Variants in NEBL observed in about 807,000 individuals in gnomAD.
NEBL encodes the protein nebulette, also known as LIM and SH3 protein 2.
A neutral mutation model predicts 140.2 loss-of-function variants in NEBL; 122 were observed. That is an observed-to-expected ratio of 0.87 (90% CI 0.75 to 1.01). The LOEUF (loss-of-function observed/expected upper bound fraction) is 1.01. Among genes scored for constraint, NEBL ranks in the 50% least tolerant of loss-of-function variants. The pLI is 0.00. For synonymous variants in NEBL, 436 were observed against 398.9 expected (o/e 1.09, Z -1.11); for missense variants, 1,365 against 1,231.3 (o/e 1.11, Z -1.62).
intron 2 of NEBL, among the ~76,000 whole-genome samples, chr10:21,139,421 G>A (rs779921220): frequency 7.2e-5 from 11 of 152,096 alleles, no homozygotes; most frequent in Admixed American, 1.3e-4. Context: ...GATACCCTAC[G>A]TCCACTCAAA....
chr10:20,900,985 T>A (rs913481015), upstream of NEBL, among the ~76,000 whole-genome samples: 5 of 151,860 alleles, frequency 3.3e-5, no homozygotes, highest in African/African-American at 1.2e-4. Flanking sequence ...GCCACTGCAC[T>A]CCAGCCTGGG....
chr10:21,123,954 C>T (rs1418661994), intron 2 of NEBL, among the ~76,000 whole-genome samples: 2 of 151,144 alleles, frequency 1.3e-5, no homozygotes, highest in Non-Finnish European at 2.9e-5. Flanking sequence ...TTCTCTGAGG[C>T]CAATCCTCAC....
chr10:20,936,711 A>G (rs1444353682), intron 4 of NEBL, among the ~76,000 whole-genome samples: 2 of 152,012 alleles, frequency 1.3e-5, no homozygotes, highest in South Asian at 2.1e-4. Flanking sequence ...CTGTGTTTCA[A>G]TTTTCTTTAG....
chr10:20,956,652 C>A (rs1226890722), intron 4 of NEBL, among the ~76,000 whole-genome samples: 3 of 152,094 alleles, frequency 2.0e-5, no homozygotes, highest in Non-Finnish European at 4.4e-5. Context: ...TACTCAAAAT[C>A]AGAAGCTTTT....
intron 3 of NEBL, among the ~76,000 whole-genome samples, chr10:21,236,961 G>A (rs1842361556): frequency 6.6e-6 from 1 of 152,166 alleles, no homozygotes; most frequent in African/African-American, 2.4e-5. Context: ...GCATCGGTTA[G>A]TAACTGACCC....
At chr10:21,184,354 C>A (rs1841431561) in intron 3 of NEBL, among the ~76,000 whole-genome samples, 1 of 152,186 alleles carries the variant, frequency 6.6e-6, no homozygotes, top group African/African-American at 2.4e-5. Flanking sequence ...GCTGAGATTT[C>A]ACTGAAAGAT....
At chr10:21,187,753 A>G (rs992968250) in intron 3 of NEBL, among the ~76,000 whole-genome samples, 1 of 152,160 alleles carries the variant, frequency 6.6e-6, no homozygotes, top group African/African-American at 2.4e-5. Flanking sequence ...AGCTCAAGCA[A>G]TCCTCGCACC....
chr10:20,940,156 C>T (rs1382852012), intron 4 of NEBL, among the ~76,000 whole-genome samples: 1 of 152,138 alleles, frequency 6.6e-6, no homozygotes, highest in South Asian at 2.1e-4. Context: ...CACACCACAC[C>T]TATTCCAAAA....
rs957738000 is a variant in NEBL at position 20,831,560 on chromosome 10, C to T, written c.1473G>A (p.Glu491=). ...GCATCCCTTTCCCTTTAATTTCAGT[C>T]TCCAGATCTCTTTTATAGTCTTTCT... The part of the protein sequence containing the change: ...ASEKDYKRDL[E]TEIKGKGMQV... The change falls in exon 15 of 28, where the codon GAG becomes GAA. Residue 491 remains glutamate, a synonymous_variant. Transcript: ENST00000377122. The T allele has an allele frequency of 4.4e-6, 7 of 1,608,998 alleles. No individual in the cohort carries two copies. Among genetic ancestry groups the T allele is most frequent in the Non-Finnish European group, 6.0e-6 (7 of 1,176,078 alleles).
At chr10:20,858,212 T>A in intron 9 of NEBL, 28 bp downstream of exon 9, 1 of 1,528,800 alleles carries the variant, frequency 6.5e-7, no homozygotes, top group Non-Finnish European at 9.1e-7. Context: ...ACAAGGCAAC[T>A]ACGGTTGCCG....
intron 1 of NEBL, among the ~76,000 whole-genome samples, chr10:21,281,566 G>A (rs1360148192): frequency 1.3e-5 from 2 of 151,206 alleles, no homozygotes; most frequent in Non-Finnish European, 2.9e-5. Context: ...CAGAGTTCCC[G>A]CACAGCCCCT....
chr10:21,242,193 AG>A (rs1842448583), intron 3 of NEBL, among the ~76,000 whole-genome samples: 1 of 152,086 alleles, frequency 6.6e-6, no homozygotes, highest in South Asian at 2.1e-4. Flanking sequence ...TGACAGAGCA[AG>A]ACCCTGTCTC....
chr10:20,951,951 C>T (rs1041938593), intron 4 of NEBL, among the ~76,000 whole-genome samples: 1 of 152,096 alleles, frequency 6.6e-6, no homozygotes, highest in African/African-American at 2.4e-5. Context: ...CTATTCTCAC[C>T]TCTCTGCCCT....
intron 5 of NEBL, among the ~76,000 whole-genome samples, chr10:20,874,780 C>T (rs1277943105): frequency 6.6e-6 from 1 of 152,098 alleles, no homozygotes; most frequent in Non-Finnish European, 1.5e-5. Context: ...TGCTATGTCA[C>T]CCAGGCTGAA....
At chr10:20,893,932 T>C (rs189686605) in intron 2 of NEBL, among the ~76,000 whole-genome samples, 108 of 152,314 alleles carry the variant, frequency 7.1e-4, no homozygotes, top group Admixed American at 2.5e-3. Flanking sequence ...CAAGCTGATC[T>C]AACAGCTTTC....
chr10:21,215,103 A>G (rs1305418194), intron 3 of NEBL, among the ~76,000 whole-genome samples: 2 of 152,174 alleles, frequency 1.3e-5, no homozygotes, highest in African/African-American at 2.4e-5. Context: ...AATAACTAAA[A>G]TGAACTTTTA....
chr10:21,194,278 G>A (rs1369341849), intron 3 of NEBL, among the ~76,000 whole-genome samples: 1 of 152,006 alleles, frequency 6.6e-6, no homozygotes, highest in African/African-American at 2.4e-5. Flanking sequence ...AGCCTTAAGT[G>A]TATTTTAAAA....
At chr10:21,171,629 G>A (rs913453021) in intron 2 of NEBL, 8 of 152,324 alleles carry the variant, frequency 5.3e-5, no homozygotes, top group African/African-American at 1.7e-4. Context: ...TCGTAGGGTC[G>A]TTGTAAAGAT....
At chr10:21,083,713 C>A (rs1003321977) in intron 2 of NEBL, among the ~76,000 whole-genome samples, 3 of 152,122 alleles carry the variant, frequency 2.0e-5, no homozygotes, top group Non-Finnish European at 4.4e-5. Context: ...GGCGTGGTTG[C>A]GTGCAGCTGT....
Sources: gnomAD v4.1 joint callset for allele counts (sites outside exome capture counted in the v4.1 genomes callset) on GRCh38, gnomAD v4.1.1 for gene constraint, MANE v1.5 for transcripts, NCBI Gene and HGNC (gene_info 2026-07-23, HGNC 2026-07-21) for gene names.